RADIL: variants seen among roughly 807,000 people sequenced by gnomAD.
RADIL encodes the protein ras-associating and dilute domain-containing protein.
A neutral mutation model predicts 97.6 loss-of-function variants in RADIL; 99 were observed. The observed-to-expected ratio is 1.01, with a 90% confidence interval of 0.86 to 1.20. RADIL has a LOEUF of 1.20. RADIL is among the 50% of genes most tolerant of loss of function. The pLI is 0.00. For missense variants in RADIL, 1,765 were observed against 1,498.9 expected (o/e 1.18, Z -2.93); for synonymous variants, 803 against 691.8 (o/e 1.16, Z -2.52).
At chr7:4,816,094 G>A in intron 8 of RADIL, 134 bp downstream of exon 8, 1 of 793,380 alleles carries the variant, frequency 1.3e-6, no homozygotes, top group Non-Finnish European at 2.1e-6. Flanking sequence ...CACCCCTCAG[G>A]GACACCAGAC....
intron 9 of RADIL, among the ~76,000 whole-genome samples, chr7:4,810,619 C>G (rs113103618): frequency 0.031 from 4,706 of 152,286 alleles, 248 homozygotes; most frequent in African/African-American, 0.11. Flanking sequence ...CATCCCTAAG[C>G]GGGCCGTGGC....
At chr7:4,826,490 TG>T (rs1782980785) in intron 5 of RADIL, among the ~76,000 whole-genome samples, 1 of 152,036 alleles carries the variant, frequency 6.6e-6, no homozygotes, top group African/African-American at 2.4e-5. Flanking sequence ...CCCAGCACTT[TG>T]GGAGGCTGAG....
intron 4 of RADIL, among the ~76,000 whole-genome samples, chr7:4,832,691 A>G (rs1365048420): frequency 6.7e-6 from 1 of 148,900 alleles, no homozygotes; most frequent in African/African-American, 2.5e-5. Flanking sequence ...GTGAGACGAG[A>G]TCACGCCACC....
At chr7:4,875,933 G>A (rs944121488) in intron 2 of RADIL, among the ~76,000 whole-genome samples, 2 of 152,166 alleles carry the variant, frequency 1.3e-5, no homozygotes, top group Non-Finnish European at 2.9e-5. Flanking sequence ...CCCAGGTGCA[G>A]GCAATTGGGG....
chr7:4,799,254 G>C lies in RADIL; in HGVS notation c.*124C>G. ...CATGTTATCAACAGGCATGTCCCCA[G>C]GGTGAGGCTCCCCACCCGGGACCCA... On this transcript the variant is annotated 3_prime_UTR_variant, in exon 15 of 15. Coordinates refer to ENST00000399583, the MANE Select transcript of RADIL (RefSeq NM_018059.5). 1.3e-6 allele frequency: 1 copy of C among 796,174 alleles called. No homozygotes were observed. The highest frequency in any genetic ancestry group is 2.6e-5 in the East Asian group (1 of 38,004). The allele number at this position is 796,174 out of a possible 1,614,324, so 49.3% of individuals were successfully genotyped here.
rs1783404309 is a variant in RADIL, at chr7:4,840,133, G to T, written c.536-3528C>A. Among the ~76,000 whole-genome samples the T allele has an allele frequency of 6.6e-6, 1 of 152,200 alleles. No homozygotes were observed. The highest frequency in any genetic ancestry group is 2.1e-4 in the South Asian group (1 of 4,818). On this transcript the variant is annotated intron_variant, in intron 2 of 14. Transcript: ENST00000399583. The surrounding 1 kb of genome is among the most constrained non-coding windows in gnomAD (Gnocchi z 5.6). Reference sequence around the variant, plus strand: ...GCTTTGTGACTTGGCCCTGTCCCAAGATGAGGCTGCGGCAGATGGGACCCA... The same window carrying T: ...GCTTTGTGACTTGGCCCTGTCCCAATATGAGGCTGCGGCAGATGGGACCCA...
intron 2 of RADIL, among the ~76,000 whole-genome samples, chr7:4,866,740 A>G (rs1784139761): frequency 6.6e-6 from 1 of 152,158 alleles, no homozygotes; most frequent in East Asian, 1.9e-4. Flanking sequence ...AGTCAGTGCT[A>G]TGGTTTGGAT....
intron 12 of RADIL, 88 bp downstream of exon 12, chr7:4,801,565 A>C (rs1423180670): frequency 1.4e-6 from 2 of 1,407,694 alleles, no homozygotes; most frequent in Admixed American, 2.4e-5. Flanking sequence ...CCTAGGACCC[A>C]AGGGGGGAAC....
chr7:4,875,593 C>T (rs2115051161), intron 2 of RADIL, among the ~76,000 whole-genome samples: 1 of 152,324 alleles, frequency 6.6e-6, no homozygotes. Flanking sequence ...CAGCAGCAAC[C>T]CTGGCCCGTG....
intron 5 of RADIL, among the ~76,000 whole-genome samples, chr7:4,831,884 A>AAACAG (rs1161821167): frequency 6.6e-6 from 1 of 151,990 alleles, no homozygotes; most frequent in Non-Finnish European, 1.5e-5. Flanking sequence ...AAACAAAACA[A>AAACAG]AACAAAACAA....
rs372335864 is a variant in RADIL, at chr7:4,861,942, G to A, written c.535+15663C>T. 41 of 500,650 alleles carry A rather than the reference G, an allele frequency of 8.2e-5. 1 individual carries two copies. The highest frequency in any genetic ancestry group is 7.5e-4 in the African/African-American group (37 of 49,086). 31.0% of individuals were successfully genotyped at this position (500,650 alleles called of 1,614,324 possible). On this transcript the variant is annotated intron_variant, in intron 2 of 14. Transcript: ENST00000399583. ...CTGGTCCGACCCCACTCCCACTCCC[G>A]CTGCGCGCCCGCCGCTTCAGGAGCT...
Position 4,881,414 on chromosome 7 carries a change from CAAAAAAAAAA to C in RADIL, c.-65+2172_-65+2181del, listed in dbSNP as rs58871429. ...TGGGCGACAGAGTGAGACTCCCTCTCAAAAAAAAAAAAAAAAAAAAGACAAAAATTGGCTG... is the reference window on the plus strand; with the variant it reads ...TGGGCGACAGAGTGAGACTCCCTCTCAAAAAAAAAAGACAAAAATTGGCTG... On this transcript the variant is annotated intron_variant, in intron 1 of 14. Coordinates refer to ENST00000399583, the MANE Select transcript of RADIL (RefSeq NM_018059.5). 9.7e-5 allele frequency among the ~76,000 whole-genome samples: 8 copies of C among 82,294 alleles called. No homozygotes were observed. In the South Asian group the frequency reaches 2.1e-3, roughly 22 times the overall value. The allele number at this position is 82,294 out of a possible 152,430, so 54.0% of individuals were successfully genotyped here.
At chr7:4,881,594 G>A (rs1784488649) in intron 1 of RADIL, among the ~76,000 whole-genome samples, 2 of 151,674 alleles carry the variant, frequency 1.3e-5, no homozygotes, top group African/African-American at 4.8e-5. Context: ...GGGCATGGTG[G>A]CGGGTGCCTG....
In RADIL at chr7:4,800,811, G is replaced by C. The variant is rs111875340; in HGVS notation, c.2843-501C>G. On this transcript the variant is annotated intron_variant, in intron 12 of 14. Transcript: ENST00000399583. ...TCCTGCCGTGGGTGCACTTAGGTCA[G>C]AGATGAGCTGTGCACCTGAGCAAGT... 3.9e-3 allele frequency among the ~76,000 whole-genome samples: 594 copies of C among 152,304 alleles called. 1 individual carries two copies. Among genetic ancestry groups the C allele is most frequent in the African/African-American group, 0.013 (553 of 41,564 alleles).
intron 3 of RADIL, 28 bp downstream of exon 3, chr7:4,836,330 G>A (rs919480727): frequency 3.2e-6 from 5 of 1,561,310 alleles, no homozygotes; most frequent in South Asian, 1.2e-5. Flanking sequence ...GTGGCACCGG[G>A]CAGTGGGTGT....
chr7:4,845,351 G>A (rs1253197729), intron 2 of RADIL, among the ~76,000 whole-genome samples: 1 of 152,174 alleles, frequency 6.6e-6, no homozygotes, highest in Non-Finnish European at 1.5e-5. Context: ...CCAGGAGATG[G>A]AGGCTGCAGT....
chr7:4,805,405 G>A lies in RADIL; in HGVS notation c.2290+161C>T, dbSNP rs779032107. On this transcript the variant is annotated intron_variant, in intron 10 of 14. Transcript: ENST00000399583. ...CGGATCCCCAGGTTGGGGATGGGGC[G>A]GGGCGGGGGGGTCCTCTGGGTGGAG... 2.7e-3 allele frequency: 2,191 copies of A among 825,516 alleles called. 38 individuals are homozygous for A. In the African/African-American group the frequency reaches 0.039, roughly 15 times the overall value. 51.1% of individuals were successfully genotyped at this position (825,516 alleles called of 1,614,324 possible). A position where few individuals can be genotyped will look rare whatever the true frequency, so the allele number is the denominator to read the frequency against.
At chr7:4,806,080 T>C (rs1471652266) in intron 9 of RADIL, 9 of 984,044 alleles carry the variant, frequency 9.1e-6, no homozygotes, top group Non-Finnish European at 1.1e-5. Context: ...ATCAATCAAG[T>C]CGGCTAAAAA....
chr7:4,862,897 CAA>C (rs11404610), intron 2 of RADIL, among the ~76,000 whole-genome samples: 1 of 144,684 alleles, frequency 6.9e-6, no homozygotes, highest in African/African-American at 2.5e-5. Flanking sequence ...AACTCTGTCT[CAA>C]AAAAAAAAAT....
Sources: allele counts gnomAD v4.1 joint callset (sites outside exome capture counted in the v4.1 genomes callset), GRCh38; gene constraint gnomAD v4.1.1; non-coding constraint Gnocchi (gnomAD v3.1); transcripts MANE v1.5; gene names NCBI Gene and HGNC (gene_info 2026-07-23, HGNC 2026-07-21).